Variants in ARHGEF10 observed in about 807,000 individuals in gnomAD.
ARHGEF10 encodes Rho guanine nucleotide exchange factor 10, also known as Rho guanine nucleotide exchange factor (GEF) 10.
ARHGEF10 carries 140 observed loss-of-function variants against 147.4 expected under a neutral mutation model. The observed-to-expected ratio is 0.95, with a 90% confidence interval of 0.83 to 1.09. ARHGEF10 has a LOEUF of 1.09. Among genes scored for constraint, ARHGEF10 ranks in the 50% least tolerant of loss-of-function variants. The probability of loss-of-function intolerance (pLI) is 0.00; values close to 1 mark genes in which losing one functional copy is unlikely to be tolerated. For synonymous variants in ARHGEF10, 902 were observed against 695.8 expected (o/e 1.30, Z -4.67); for missense variants, 2,222 against 1,752.7 (o/e 1.27, Z -4.78).
At chr8:1,838,995 T>C (rs1037266749) in intron 1 of ARHGEF10, among the ~76,000 whole-genome samples, 27 of 152,066 alleles carry the variant, frequency 1.8e-4, no homozygotes, top group African/African-American at 6.3e-4. Flanking sequence ...GTGGGGGCCA[T>C]CTGGCGTGGA....
intron 18 of ARHGEF10, among the ~76,000 whole-genome samples, chr8:1,915,496 G>T (rs1247512757): frequency 4.6e-5 from 7 of 152,356 alleles, no homozygotes; most frequent in Admixed American, 2.6e-4. Flanking sequence ...GCCTCTGTCT[G>T]GGGGAGGAAA....
chr8:1,839,188 C>G (rs1322382992), intron 1 of ARHGEF10, among the ~76,000 whole-genome samples: 3 of 134,526 alleles, frequency 2.2e-5, no homozygotes, highest in Non-Finnish European at 3.1e-5. Flanking sequence ...TGGGGACTGT[C>G]TGATGTGGGG....
chr8:1,916,086 C>T (rs1811741708), intron 18 of ARHGEF10, among the ~76,000 whole-genome samples: 3 of 152,230 alleles, frequency 2.0e-5, no homozygotes, highest in African/African-American at 2.4e-5. Flanking sequence ...CCATAAGTCT[C>T]GTGGAGAAGA....
chr8:1,945,890 G>GAGGAGCCGCGTGCTGGC (rs2129275913), intron 27 of ARHGEF10: 1 of 716,212 alleles, frequency 1.4e-6, no homozygotes, highest in South Asian at 1.8e-5. Flanking sequence ...CGCGTGCTGG[G>GAGGAGCCGCGTGCTGGC]AGGAGCCGCG....
intron 27 of ARHGEF10, among the ~76,000 whole-genome samples, chr8:1,950,195 G>A (rs1382467920): frequency 3.3e-5 from 5 of 152,160 alleles, no homozygotes; most frequent in African/African-American, 1.2e-4. Context: ...CGGACCTCAC[G>A]TGGGCTCCAA....
rs181589136 is a variant in ARHGEF10 at position 1,855,930 on chromosome 8, C to A, written c.38-2030C>A. Among the ~76,000 whole-genome samples, 101 of 150,080 alleles carry A rather than the reference C, an allele frequency of 6.7e-4. 1 individual carries two copies. The highest frequency in any genetic ancestry group is 1.1e-3 in the South Asian group (5 of 4,738). On this transcript the variant is annotated intron_variant, in intron 2 of 28. Coordinates refer to ENST00000349830, the MANE Select transcript of ARHGEF10 (RefSeq NM_014629.4). Reference sequence around the variant, plus strand: ...CTTAATGATATGGCAAAAAAAAAAACCCCTTCTGAAATAGGTTTTGTTTAC... The same window carrying A: ...CTTAATGATATGGCAAAAAAAAAAAACCCTTCTGAAATAGGTTTTGTTTAC...
chr8:1,860,215 A>G (rs1442588246), intron 4 of ARHGEF10, 31 bp downstream of exon 4: 1 of 1,606,352 alleles, frequency 6.2e-7, no homozygotes, highest in Admixed American at 1.7e-5. Context: ...ACGCCCCCGA[A>G]GTGGCCTGTG....
At chr8:1,881,141 G>A in intron 9 of ARHGEF10, among the ~76,000 whole-genome samples, 1 of 152,226 alleles carries the variant, frequency 6.6e-6, no homozygotes, top group East Asian at 1.9e-4. Flanking sequence ...ACTGTGGGAA[G>A]TGGGAAAGGA....
intron 18 of ARHGEF10, among the ~76,000 whole-genome samples, chr8:1,918,197 ATTC>A (rs2129200063): frequency 6.6e-6 from 1 of 152,300 alleles, no homozygotes; most frequent in African/African-American, 2.4e-5. Context: ...GTTTCTTGTT[ATTC>A]TTGGGATGTG....
At chr8:1,826,309 C>G (rs1247286246) in intron 1 of ARHGEF10, among the ~76,000 whole-genome samples, 1 of 152,068 alleles carries the variant, frequency 6.6e-6, no homozygotes, top group Admixed American at 6.6e-5. Context: ...GCTGCCTTTC[C>G]TCTGCAGTTT....
chr8:1,894,407 G>A lies in ARHGEF10; in HGVS notation c.1275G>A (p.Pro425=), dbSNP rs140952059. ...TTTTGTCTTAGCAATATGAGAAGCC[G>A]CTGTCTGAGATGGAGCCAAAGGTTC... The part of the protein sequence containing the change: ...LKRILEQYEK[P]LSEMEPKVLS... Residue 425 remains proline, a synonymous_variant, in exon 13 of 29, where the codon CCG becomes CCA. Coordinates refer to ENST00000349830, the MANE Select transcript of ARHGEF10 (RefSeq NM_014629.4). 304 of 1,614,150 alleles carry A rather than the reference G, an allele frequency of 1.9e-4. 2 individuals carry two copies. The African/African-American group carries it at 1.9e-3, about 10-fold the overall frequency.
Position 1,957,329 on chromosome 8 carries a change from C to T in ARHGEF10, c.*66C>T. On this transcript the variant is annotated 3_prime_UTR_variant, in exon 29 of 29. Transcript: ENST00000349830. ...GGTGACTTCTCAGCTAATCCTACAG[C>T]CTGAGTGGTTAAGCTGTGTCTACAC... 1.3e-6 allele frequency: 2 copies of T among 1,563,990 alleles called. No homozygotes were observed. Among genetic ancestry groups the T allele is most frequent in the Non-Finnish European group, 8.6e-7 (1 of 1,157,722 alleles).
rs112432603 is a variant in ARHGEF10 at position 1,897,398 on chromosome 8, C to G, written c.1557+949C>G. 3.7e-5 allele frequency among the ~76,000 whole-genome samples: 5 copies of G among 134,318 alleles called. No individual in the cohort carries two copies. In the South Asian group the frequency reaches 1.3e-3, roughly 36 times the overall value. The allele number at this position is 134,318 out of a possible 152,430, so 88.1% of individuals were successfully genotyped here. ...CCTAAGGGATCGGATCGCAGTTCCC[C>G]CTCTGGACAGCTGTGGGCTCTGTCC... On this transcript the variant is annotated intron_variant, in intron 14 of 28. Transcript: ENST00000349830.
chr8:1,847,543 G>T (rs1483169488), intron 2 of ARHGEF10, among the ~76,000 whole-genome samples: 3 of 152,030 alleles, frequency 2.0e-5, no homozygotes, highest in Non-Finnish European at 4.4e-5. Flanking sequence ...AATGAGCTCA[G>T]ACAGACGCCA....
chr8:1,900,499 A>C (rs1191710733), intron 15 of ARHGEF10, among the ~76,000 whole-genome samples: 3 of 152,134 alleles, frequency 2.0e-5, no homozygotes. Flanking sequence ...AATCTAGTAC[A>C]CTGTCCACAC....
intron 1 of ARHGEF10, among the ~76,000 whole-genome samples, chr8:1,834,057 G>T (rs1310510957): frequency 6.6e-6 from 1 of 152,220 alleles, no homozygotes; most frequent in Admixed American, 6.5e-5. Flanking sequence ...GACTGCAGAG[G>T]CCTGGGGCAC....
chr8:1,842,782 G>C (rs62477500), intron 1 of ARHGEF10, among the ~76,000 whole-genome samples: 1 of 152,200 alleles, frequency 6.6e-6, no homozygotes, highest in Non-Finnish European at 1.5e-5. Context: ...TGGTGTCCTC[G>C]AAGCAGGGAG....
chr8:1,882,517 G>A (rs894979669), intron 9 of ARHGEF10, 118 bp from the exon 10 acceptor site: 10 of 879,690 alleles, frequency 1.1e-5, no homozygotes, highest in Admixed American at 1.0e-4. Flanking sequence ...AGAACTGCAC[G>A]TGACACATGC....
At chr8:1,950,579 C>T (rs1474088645) in intron 27 of ARHGEF10, among the ~76,000 whole-genome samples, 1 of 151,964 alleles carries the variant, frequency 6.6e-6, no homozygotes, top group Non-Finnish European at 1.5e-5. Flanking sequence ...TTTGCCCAGG[C>T]TGGAGTGCAG....
Sources: allele counts gnomAD v4.1 joint callset (sites outside exome capture counted in the v4.1 genomes callset), GRCh38; gene constraint gnomAD v4.1.1; transcripts MANE v1.5; gene names NCBI Gene and HGNC (gene_info 2026-07-23, HGNC 2026-07-21).